Variants in SLC39A8 observed in about 807,000 individuals in gnomAD.
The protein encoded by SLC39A8 is solute carrier family 39 member 8.
SLC39A8 carries 15 observed loss-of-function variants against 40.4 expected under a neutral mutation model. That is an observed-to-expected ratio of 0.37 (90% CI 0.25 to 0.57). The LOEUF (loss-of-function observed/expected upper bound fraction) is 0.57, where lower values mean the gene tolerates loss of function less well. Among genes scored for constraint, SLC39A8 ranks in the 20% least tolerant of loss-of-function variants. SLC39A8 has a pLI of 0.75. For synonymous variants in SLC39A8, 223 were observed against 221.6 expected (o/e 1.01, Z -0.06); for missense variants, 472 against 558.8 (o/e 0.84, Z 1.57).
intron 2 of SLC39A8, among the ~76,000 whole-genome samples, chr4:102,321,520 G>GT (rs1734968016): frequency 1.3e-5 from 2 of 152,164 alleles, no homozygotes; most frequent in South Asian, 2.1e-4. Context: ...CTGAGAGGTC[G>GT]TTTTTTTCTT....
chr4:102,302,005 C>T (rs187793732), intron 6 of SLC39A8, among the ~76,000 whole-genome samples: 10 of 152,104 alleles, frequency 6.6e-5, no homozygotes, highest in Admixed American at 5.9e-4. Context: ...CAGGAGAGGT[C>T]ACACTGAGTT....
chr4:102,309,708 C>T (rs1734343187), intron 3 of SLC39A8, among the ~76,000 whole-genome samples: 1 of 152,130 alleles, frequency 6.6e-6, no homozygotes, highest in Non-Finnish European at 1.5e-5. Context: ...AAGCCACATG[C>T]ACATGTTAAA....
rs188054748 is a variant in SLC39A8, at chr4:102,326,496, G to C, written c.220-10666C>G. On this transcript the variant is annotated intron_variant, in intron 2 of 8. Coordinates refer to ENST00000356736, the MANE Select transcript of SLC39A8 (RefSeq NM_001135146.2). ...GAATGGGGTGCACCCAGGAGGCAGA[G>C]CTTGCAGTGAGCCGAGATCGCGCCA... Among the ~76,000 whole-genome samples the C allele has an allele frequency of 8.3e-4, 127 of 152,322 alleles. 1 individual carries two copies. In the East Asian group the frequency reaches 0.023, roughly 28 times the overall value.
Position 102,261,757 on chromosome 4 carries a change from T to C in SLC39A8, c.*1287A>G, listed in dbSNP as rs1279320722. On this transcript the variant is annotated 3_prime_UTR_variant, in exon 9 of 9. Coordinates refer to ENST00000356736, the MANE Select transcript of SLC39A8 (RefSeq NM_001135146.2). ...TACATACTAAAATATATATTAAATATTCACCAAATCTGCATTGCTGCTACA... is the reference window on the plus strand; with the variant it reads ...TACATACTAAAATATATATTAAATACTCACCAAATCTGCATTGCTGCTACA... 1.0e-6 allele frequency: 1 copy of C among 983,124 alleles called. No homozygotes were observed. Among genetic ancestry groups the C allele is most frequent in the East Asian group, 1.1e-4 (1 of 8,906 alleles). 60.9% of individuals were successfully genotyped at this position (983,124 alleles called of 1,614,324 possible).
At chr4:102,324,637 C>G (rs1316474470) in intron 2 of SLC39A8, among the ~76,000 whole-genome samples, 1 of 152,188 alleles carries the variant, frequency 6.6e-6, no homozygotes, top group African/African-American at 2.4e-5. Context: ...CCGAGCACTA[C>G]TGCATGCCAG....
intron 6 of SLC39A8, among the ~76,000 whole-genome samples, chr4:102,281,821 G>A (rs1235703274): frequency 6.6e-6 from 1 of 152,152 alleles, no homozygotes; most frequent in Non-Finnish European, 1.5e-5. Flanking sequence ...CATTCCCTCT[G>A]AAAGCTGTCA....
intron 2 of SLC39A8, among the ~76,000 whole-genome samples, chr4:102,335,283 G>A (rs1735618654): frequency 6.6e-6 from 1 of 152,148 alleles, no homozygotes; most frequent in Admixed American, 6.6e-5. Context: ...TATAAAGCAG[G>A]AACTTTTGCC....
At chr4:102,309,046 C>G (rs1734312189) in intron 3 of SLC39A8, among the ~76,000 whole-genome samples, 1 of 151,972 alleles carries the variant, frequency 6.6e-6, no homozygotes, top group Non-Finnish European at 1.5e-5. Flanking sequence ...TTCAAAAGCC[C>G]AAAGGACTCA....
intron 6 of SLC39A8, among the ~76,000 whole-genome samples, chr4:102,300,707 T>C (rs1162558613): frequency 6.6e-6 from 1 of 151,990 alleles, no homozygotes; most frequent in Non-Finnish European, 1.5e-5. Context: ...TCCATACTTG[T>C]AACTCAAATT....
intron 6 of SLC39A8, among the ~76,000 whole-genome samples, chr4:102,285,736 T>G (rs1733152892): frequency 6.6e-6 from 1 of 152,070 alleles, no homozygotes; most frequent in Non-Finnish European, 1.5e-5. Context: ...AAGACCACAC[T>G]TCATTTACAG....
At chr4:102,251,328 G>C (rs555695658) in exon 12 of SLC39A8, 1 of 152,214 alleles carries the variant, frequency 6.6e-6, no homozygotes, top group Non-Finnish European at 1.5e-5. Flanking sequence ...CCAGCCCTGA[G>C]CCAGTGCAAG....
chr4:102,318,132 C>G (rs1359679285), intron 2 of SLC39A8, among the ~76,000 whole-genome samples: 1 of 152,038 alleles, frequency 6.6e-6, no homozygotes, highest in East Asian at 1.9e-4. Context: ...GAATTGCCAA[C>G]TGTACATCAT....
chr4:102,343,288 A>T (rs772624954), intron 2 of SLC39A8, among the ~76,000 whole-genome samples: 24 of 152,356 alleles, frequency 1.6e-4, no homozygotes, highest in Non-Finnish European at 2.5e-4. Flanking sequence ...CAAAAAGATC[A>T]ATCTACGTAT....
At chr4:102,253,458 A>C in intron 11 of SLC39A8, 1 of 714,136 alleles carries the variant, frequency 1.4e-6, no homozygotes, top group South Asian at 1.5e-5. Flanking sequence ...GGAACATAGT[A>C]AAGTTTTAAG....
chr4:102,339,619 G>A (rs903888801), intron 2 of SLC39A8, among the ~76,000 whole-genome samples: 1 of 152,162 alleles, frequency 6.6e-6, no homozygotes, highest in African/African-American at 2.4e-5. Context: ...AATAAATAAT[G>A]ATTACAGGCA....
intron 4 of SLC39A8, 64 bp from the exon 5 acceptor site, chr4:102,305,175 A>G (rs1734116281): frequency 1.1e-5 from 16 of 1,506,182 alleles, no homozygotes; most frequent in Non-Finnish European, 1.5e-5. Flanking sequence ...CTGGAAAATA[A>G]TACCAGTATG....
chr4:102,274,734 T>A (rs1732536699), intron 6 of SLC39A8, among the ~76,000 whole-genome samples: 1 of 152,146 alleles, frequency 6.6e-6, no homozygotes. Flanking sequence ...GGGAAGCCCA[T>A]CAGACTAACA....
intron 6 of SLC39A8, among the ~76,000 whole-genome samples, chr4:102,278,198 C>A (rs921485874): frequency 4.6e-5 from 7 of 152,128 alleles, no homozygotes; most frequent in African/African-American, 1.7e-4. Flanking sequence ...AGTGAACAGG[C>A]AACCTACAGA....
intron 6 of SLC39A8, among the ~76,000 whole-genome samples, chr4:102,282,618 T>TG (rs5860723): frequency 0.014 from 2,067 of 150,486 alleles, 29 homozygotes; most frequent in African/African-American, 0.032. Flanking sequence ...AATTAAATGG[T>TG]GGGGGGGGGT....
Sources: allele counts gnomAD v4.1 joint callset (sites outside exome capture counted in the v4.1 genomes callset), GRCh38; gene constraint gnomAD v4.1.1; transcripts MANE v1.5; gene names NCBI Gene and HGNC (gene_info 2026-07-23, HGNC 2026-07-21).